CNTN4: variants seen among roughly 807,000 people sequenced by gnomAD.
The protein encoded by CNTN4 is contactin 4.
CNTN4 carries 77 observed loss-of-function variants against 122.5 expected under a neutral mutation model. That is an observed-to-expected ratio of 0.63 (90% CI 0.52 to 0.76). The LOEUF (loss-of-function observed/expected upper bound fraction) is 0.76. CNTN4 is among the 30% of genes least tolerant of loss of function. The probability of loss-of-function intolerance (pLI) is 0.00; values close to 1 mark genes in which losing one functional copy is unlikely to be tolerated. For synonymous variants in CNTN4, 512 were observed against 447.0 expected, an observed-to-expected ratio of 1.15 and a Z score of -1.83; for missense variants, 1,256 against 1,259.1, an observed-to-expected ratio of 1.00 and a Z score of 0.04.
intron 6 of CNTN4, among the ~76,000 whole-genome samples, chr3:2,808,810 T>G (rs2092534682): frequency 6.6e-6 from 1 of 152,230 alleles, no homozygotes; most frequent in Non-Finnish European, 1.5e-5. Flanking sequence ...TGCCCTTGAT[T>G]GGACACCTTT....
At chr3:2,871,333 T>C (rs4684366) in intron 8 of CNTN4, among the ~76,000 whole-genome samples, 38,354 of 152,106 alleles carry the variant, frequency 0.25, 4,970 homozygotes, top group Middle Eastern at 0.34. Context: ...CAACAAATTA[T>C]ATTTTTAAAA....
At chr3:2,190,303 TTG>T (rs10685358) in intron 2 of CNTN4, among the ~76,000 whole-genome samples, 7 of 149,384 alleles carry the variant, frequency 4.7e-5, no homozygotes, top group Admixed American at 1.3e-4. Context: ...CACATCTGAC[TTG>T]TGTGTGTGTG....
intron 2 of CNTN4, among the ~76,000 whole-genome samples, chr3:2,185,086 C>A (rs1020404707): frequency 6.6e-6 from 1 of 152,174 alleles, no homozygotes; most frequent in South Asian, 2.1e-4. Context: ...CACTCAAAGA[C>A]AACTTTGGTT....
At chr3:2,750,885 T>C (rs1205289009) in intron 6 of CNTN4, among the ~76,000 whole-genome samples, 1 of 152,116 alleles carries the variant, frequency 6.6e-6, no homozygotes, top group Non-Finnish European at 1.5e-5. Context: ...GTTCTGATGG[T>C]CCTTTGGAGT....
intron 4 of CNTN4, among the ~76,000 whole-genome samples, chr3:2,702,699 T>C (rs2086425121): frequency 6.6e-6 from 1 of 152,242 alleles, no homozygotes; most frequent in Non-Finnish European, 1.5e-5. Flanking sequence ...AAGGGCAGTA[T>C]GATTAATCTT....
intron 7 of CNTN4, among the ~76,000 whole-genome samples, chr3:2,856,041 T>C (rs908231861): frequency 5.3e-5 from 8 of 152,208 alleles, no homozygotes; most frequent in African/African-American, 1.9e-4. Flanking sequence ...GCGACTTCTT[T>C]CTCAACTAAC....
chr3:2,132,930 C>T (rs1412737693), intron 2 of CNTN4, among the ~76,000 whole-genome samples: 1 of 152,136 alleles, frequency 6.6e-6, no homozygotes, highest in African/African-American at 2.4e-5. Flanking sequence ...AGCTTCCCAG[C>T]AGTTGGGACA....
intron 4 of CNTN4, among the ~76,000 whole-genome samples, chr3:2,663,291 C>A (rs1228074561): frequency 2.0e-5 from 3 of 152,004 alleles, no homozygotes; most frequent in East Asian, 1.9e-4. Context: ...AATGAGCTAA[C>A]AAGTAATTGA....
At chr3:2,855,327 A>T (rs1386636542) in intron 7 of CNTN4, among the ~76,000 whole-genome samples, 1 of 152,178 alleles carries the variant, frequency 6.6e-6, no homozygotes, top group East Asian at 1.9e-4. Flanking sequence ...TTTTAATCCC[A>T]AATCTAATTC....
At chr3:2,747,354 AG>A (rs2089840134) in intron 6 of CNTN4, among the ~76,000 whole-genome samples, 1 of 151,488 alleles carries the variant, frequency 6.6e-6, no homozygotes, top group African/African-American at 2.4e-5. Flanking sequence ...GCTTGCAGTG[AG>A]CCGAGATGGC....
chr3:2,387,993 G>T (rs2046309081), intron 3 of CNTN4, among the ~76,000 whole-genome samples: 2 of 152,260 alleles, frequency 1.3e-5, no homozygotes, highest in East Asian at 3.9e-4. Context: ...CCATTGTTTT[G>T]GTTTTCACAC....
chr3:2,112,562 G>C (rs2033043678), intron 2 of CNTN4, among the ~76,000 whole-genome samples: 1 of 152,076 alleles, frequency 6.6e-6, no homozygotes, highest in Admixed American at 6.6e-5. Flanking sequence ...TTGGTAGTAA[G>C]TTTGTTTTGA....
At chr3:2,305,943 A>G (rs539825240) in intron 2 of CNTN4, among the ~76,000 whole-genome samples, 33 of 152,270 alleles carry the variant, frequency 2.2e-4, no homozygotes, top group Non-Finnish European at 4.3e-4. Flanking sequence ...AAATTAATCC[A>G]TGTTATAGCA....
chr3:2,129,775 C>T (rs1436139843), intron 2 of CNTN4, among the ~76,000 whole-genome samples: 1 of 151,642 alleles, frequency 6.6e-6, no homozygotes, highest in East Asian at 2.0e-4. Context: ...CTTCATTTAC[C>T]TACCTACTTA....
In CNTN4 at chr3:2,454,089, C is replaced by A. The variant is rs552524243; in HGVS notation, c.-89+114856C>A. Among the ~76,000 whole-genome samples the A allele has an allele frequency of 1.2e-4, 12 of 97,914 alleles. No individual in the cohort carries two copies. In the South Asian group the frequency reaches 5.5e-3, roughly 45 times the overall value. 64.2% of individuals were successfully genotyped at this position (97,914 alleles called of 152,430 possible). A position where few individuals can be genotyped will look rare whatever the true frequency, so the allele number is the denominator to read the frequency against. ...GCAAAGAACCTGAGGCTCGAAGAAGCTAACTTGCCTGTTGTTACATGGCAA... is the reference window on the plus strand; with the variant it reads ...GCAAAGAACCTGAGGCTCGAAGAAGATAACTTGCCTGTTGTTACATGGCAA... On this transcript the variant is annotated intron_variant, in intron 3 of 24. Transcript: ENST00000418658.
chr3:2,917,947 A>G (rs2094387514), intron 12 of CNTN4, among the ~76,000 whole-genome samples: 1 of 152,044 alleles, frequency 6.6e-6, no homozygotes, highest in African/African-American at 2.4e-5. Context: ...CACCAACAAT[A>G]TTCCATCTCT....
intron 3 of CNTN4, among the ~76,000 whole-genome samples, chr3:2,432,626 A>G (rs971229476): frequency 2.6e-5 from 4 of 151,678 alleles, no homozygotes; most frequent in African/African-American, 4.8e-5. Context: ...GTGTGTATAT[A>G]TATGTGTGTG....
intron 13 of CNTN4, among the ~76,000 whole-genome samples, chr3:2,938,904 G>A (rs2094588418): frequency 1.3e-5 from 2 of 152,180 alleles, no homozygotes; most frequent in Non-Finnish European, 2.9e-5. Context: ...AAAGTGGCAT[G>A]TCATTAAGAG....
At chr3:2,654,163 C>G (rs1199472772) in intron 4 of CNTN4, among the ~76,000 whole-genome samples, 1 of 152,172 alleles carries the variant, frequency 6.6e-6, no homozygotes, top group Non-Finnish European at 1.5e-5. Flanking sequence ...TACTCCAAAG[C>G]TGAGCTATAG....
Sources: gnomAD v4.1 joint callset for allele counts (sites outside exome capture counted in the v4.1 genomes callset) on GRCh38, gnomAD v4.1.1 for gene constraint, MANE v1.5 for transcripts, NCBI Gene and HGNC (gene_info 2026-07-23, HGNC 2026-07-21) for gene names.